The following CAGE1 variants were observed in gnomAD, a reference collection of about 807,000 sequenced individuals.
CAGE1 encodes cancer antigen 1, also known as cancer-associated gene 1 protein.
Under a neutral mutation model 94.9 loss-of-function variants are expected in CAGE1, and 66 were observed. The observed-to-expected ratio is 0.70, with a 90% CI of 0.57 to 0.85. CAGE1 has a LOEUF of 0.85. CAGE1 is among the 40% of genes least tolerant of loss of function. The pLI, the probability that CAGE1 is intolerant of heterozygous loss-of-function variation, is 0.00. For synonymous variants in CAGE1, 319 were observed against 321.0 expected, an observed-to-expected ratio of 0.99 and a Z score of 0.07; for missense variants, 865 against 950.4, an observed-to-expected ratio of 0.91 and a Z score of 1.18.
intron 3 of CAGE1, among the ~76,000 whole-genome samples, chr6:7,382,874 C>T (rs1006985369): frequency 1.3e-5 from 2 of 152,050 alleles, no homozygotes; most frequent in Admixed American, 6.5e-5. Flanking sequence ...CGCTCCACTG[C>T]ACTCCATCCT....
Position 7,343,474 on chromosome 6 carries a change from A to C in CAGE1, c.2370-9384T>G, listed in dbSNP as rs571418029. Among the ~76,000 whole-genome samples, 10 of 152,332 alleles carry C rather than the reference A, an allele frequency of 6.6e-5. No homozygotes were observed. In the South Asian group the frequency reaches 1.9e-3, roughly 28 times the overall value. On this transcript the variant is annotated intron_variant, in intron 11 of 13. Coordinates refer to ENST00000502583, the MANE Select transcript of CAGE1 (RefSeq NM_001170692.2). ...TTAGAAAGAAAGGTTGTGGATTTACACTGAAATTTTCTGTTATTTTTGATA... is the reference window on the plus strand; with the variant it reads ...TTAGAAAGAAAGGTTGTGGATTTACCCTGAAATTTTCTGTTATTTTTGATA...
intron 11 of CAGE1, chr6:7,340,853 TCCTGCA>T (rs1298336281): frequency 2.4e-6 from 1 of 415,568 alleles, no homozygotes; most frequent in Admixed American, 2.8e-5. Context: ...CTGCTTCTGT[TCCTGCA>T]GCACACCACA....
intron 11 of CAGE1, among the ~76,000 whole-genome samples, chr6:7,334,799 A>C (rs1758895065): frequency 6.6e-6 from 1 of 152,168 alleles, no homozygotes; most frequent in Non-Finnish European, 1.5e-5. Flanking sequence ...AAACAGCTTA[A>C]CATGGGAAAA....
intron 11 of CAGE1, among the ~76,000 whole-genome samples, chr6:7,344,049 C>T (rs1581664440): frequency 1.3e-5 from 2 of 152,236 alleles, no homozygotes; most frequent in Admixed American, 6.5e-5. Flanking sequence ...GAGGTGACAG[C>T]GTGCTGGCAA....
Position 7,341,548 on chromosome 6 carries a change from C to T in CAGE1, c.2370-7458G>A, listed in dbSNP as rs549425164. 1.1e-5 allele frequency: 13 copies of T among 1,230,780 alleles called. No homozygotes were observed. In the East Asian group the frequency reaches 1.4e-4, roughly 14 times the overall value. The allele number at this position is 1,230,780 out of a possible 1,614,324, so 76.2% of individuals were successfully genotyped here. On this transcript the variant is annotated intron_variant, in intron 11 of 13. Coordinates refer to ENST00000502583, the MANE Select transcript of CAGE1 (RefSeq NM_001170692.2). ...CTGAGGGTTGATTAGCACAAGGCCT[C>T]GGACCTTTTTCCTCTCAGGCCTAGC...
At chr6:7,347,530 G>T (rs1380539691) in intron 11 of CAGE1, 27 of 147,530 alleles carry the variant, frequency 1.8e-4, no homozygotes. Flanking sequence ...GGGGGCGGTG[G>T]GGGAACTTTG....
chr6:7,372,685 T>C (rs1279253823), intron 5 of CAGE1, among the ~76,000 whole-genome samples: 1 of 152,144 alleles, frequency 6.6e-6, no homozygotes, highest in Admixed American at 6.6e-5. Flanking sequence ...TTTTCTTTTT[T>C]TGAGACAGAA....
At chr6:7,366,245 C>CAAA (rs775283906) in intron 7 of CAGE1, among the ~76,000 whole-genome samples, 1,848 of 71,074 alleles carry the variant, frequency 0.026, 74 homozygotes, top group African/African-American at 0.072. Flanking sequence ...GACTCTGTCT[C>CAAA]AAAAAAAAAA....
chr6:7,367,007 G>T (rs1208413224), intron 7 of CAGE1, among the ~76,000 whole-genome samples: 1 of 152,076 alleles, frequency 6.6e-6, no homozygotes, highest in Non-Finnish European at 1.5e-5. Context: ...TTAGTGAAGT[G>T]TGGTGTGCAA....
At chr6:7,366,305 A>T (rs2113436001) in intron 7 of CAGE1, among the ~76,000 whole-genome samples, 1 of 152,270 alleles carries the variant, frequency 6.6e-6, no homozygotes, top group East Asian at 1.9e-4. Context: ...AACATACAAA[A>T]AATATGTTTT....
intron 11 of CAGE1, among the ~76,000 whole-genome samples, chr6:7,335,362 G>A (rs527301705): frequency 6.6e-6 from 1 of 152,118 alleles, no homozygotes; most frequent in Non-Finnish European, 1.5e-5. Flanking sequence ...GACCTGAGAG[G>A]ATATGAAATT....
chr6:7,326,798 A>T lies in CAGE1; in HGVS notation c.*60T>A, dbSNP rs878945494. 9.0e-5 allele frequency: 103 copies of T among 1,141,352 alleles called. No individual in the cohort carries two copies. The South Asian group carries it at 1.2e-3, about 14-fold the overall frequency. The allele number at this position is 1,141,352 out of a possible 1,614,324, so 70.7% of individuals were successfully genotyped here. The stretch of plus-strand genomic sequence containing the variant: ...ATGGATTGATTTGGCTAGCATATGT[A>T]GTAATGACTCTTCCTGGAGTGGTTG... On this transcript the variant is annotated 3_prime_UTR_variant, in exon 14 of 14. Coordinates refer to ENST00000502583, the MANE Select transcript of CAGE1 (RefSeq NM_001170692.2).
At chr6:7,386,951 C>G (rs953179401) in intron 2 of CAGE1, 28 bp downstream of exon 2, 2 of 1,421,682 alleles carry the variant, frequency 1.4e-6, no homozygotes, top group Admixed American at 4.0e-5. Flanking sequence ...TACATCTGAG[C>G]CTCCTGGAAC....
chr6:7,340,896 G>C lies in CAGE1; in HGVS notation c.2370-6806C>G, dbSNP rs532960333. 1.9e-5 allele frequency: 8 copies of C among 418,184 alleles called. No homozygotes were observed. The East Asian group carries it at 4.7e-4, about 25-fold the overall frequency. 25.9% of individuals were successfully genotyped at this position (418,184 alleles called of 1,614,324 possible). On this transcript the variant is annotated intron_variant, in intron 11 of 13. Transcript: ENST00000502583. Reference sequence around the variant, plus strand: ...AACTGATGTATGGCCAATTTTAGCCGGGGGGAGCTCGTCTGCAAAGATGAG... The same window carrying C: ...AACTGATGTATGGCCAATTTTAGCCCGGGGGAGCTCGTCTGCAAAGATGAG...
chr6:7,387,520 T>A (rs1263093693), intron 1 of CAGE1, among the ~76,000 whole-genome samples: 2 of 152,180 alleles, frequency 1.3e-5, no homozygotes, highest in Non-Finnish European at 2.9e-5. Context: ...CACAAAATCC[T>A]GGATTTTTAT....
chr6:7,373,282 G>A lies in CAGE1; in HGVS notation c.1537C>T (p.Leu513Phe). The A allele has an allele frequency of 6.2e-7, 1 of 1,603,092 alleles. No homozygotes were observed. The highest frequency in any genetic ancestry group is 8.5e-7 in the Non-Finnish European group (1 of 1,173,894). The change falls in exon 5 of 14, where the codon CTC becomes TTC. Residue 513 changes from leucine to phenylalanine, a missense_variant. Transcript: ENST00000502583. ...AATTGCAAATTTCTAACTTGAGTGA[G>A]CAATTTCTCAAGTCTAGATTTCAGT... Reference protein sequence around the residue: ...QKLKSRLEKLLTQVRNLQFMS... With the variant: ...QKLKSRLEKLFTQVRNLQFMS...
At chr6:7,344,466 C>T (rs971796856) in intron 11 of CAGE1, among the ~76,000 whole-genome samples, 3 of 152,188 alleles carry the variant, frequency 2.0e-5, no homozygotes, top group Non-Finnish European at 4.4e-5. Context: ...GGGCAGGATT[C>T]GGGACCTACA....
At chr6:7,356,162 G>A (rs780589215) in intron 9 of CAGE1, 33 bp from the exon 10 acceptor site, 19 of 1,187,534 alleles carry the variant, frequency 1.6e-5, no homozygotes, top group Admixed American at 6.2e-5. Flanking sequence ...ATACTAATCT[G>A]GAACCTGCCA....
chr6:7,376,012 G>A (rs1354375637), intron 4 of CAGE1, among the ~76,000 whole-genome samples: 1 of 152,128 alleles, frequency 6.6e-6, no homozygotes, highest in Non-Finnish European at 1.5e-5. Flanking sequence ...GTTGGAAGAC[G>A]GGGCCTAGTA....
Sources: gnomAD v4.1 joint callset for allele counts (sites outside exome capture counted in the v4.1 genomes callset) on GRCh38, gnomAD v4.1.1 for gene constraint, MANE v1.5 for transcripts, NCBI Gene and HGNC (gene_info 2026-07-23, HGNC 2026-07-21) for gene names.